Variants in FER1L6 observed in about 807,000 individuals in gnomAD.
FER1L6 encodes the protein fer-1-like protein 6.
FER1L6 carries 177 observed loss-of-function variants against 219.2 expected under a neutral mutation model. The observed-to-expected ratio is 0.81, with a 90% CI of 0.71 to 0.91. The LOEUF is 0.91. Ranked by LOEUF, FER1L6 falls within the 40% of genes least tolerant of loss-of-function variation. FER1L6 has a pLI of 0.00. For synonymous variants in FER1L6, 768 were observed against 824.3 expected, an observed-to-expected ratio of 0.93 and a Z score of 1.17; for missense variants, 2,153 against 2,259.9, an observed-to-expected ratio of 0.95 and a Z score of 0.96.
intron 1 of FER1L6, among the ~76,000 whole-genome samples, chr8:123,860,095 G>A (rs1816720301): frequency 7.5e-6 from 1 of 132,500 alleles, no homozygotes. Flanking sequence ...TCGTCATCTA[G>A]CATTAGGTAT....
chr8:123,900,247 A>T (rs897104180), intron 1 of FER1L6, among the ~76,000 whole-genome samples: 35 of 151,528 alleles, frequency 2.3e-4, no homozygotes, highest in African/African-American at 8.5e-4. Flanking sequence ...ATATATATAT[A>T]TTTGCAGCTA....
Position 124,021,557 on chromosome 8 carries a change from T to C in FER1L6, c.2021T>C (p.Met674Thr), listed in dbSNP as rs201866760. ...LTLCWQELEA[M>T]CKEAKGIIQQ... ...ACTCTTGTCTTGTTTTAGGAAGCAATGTGCAAGGAGGCCAAGGGGATCATT... is the reference window on the plus strand; with the variant it reads ...ACTCTTGTCTTGTTTTAGGAAGCAACGTGCAAGGAGGCCAAGGGGATCATT... The change falls in exon 17 of 41, where the codon ATG becomes ACG. Residue 674 changes from methionine (M) to threonine (T), a missense_variant. Physicochemically the swap from Met to Thr is moderately conservative, Grantham distance 81. Transcript: ENST00000522917. 31 of 1,613,958 alleles carry C rather than the reference T, an allele frequency of 1.9e-5. No individual in the cohort carries two copies. In the African/African-American group the frequency reaches 2.8e-4, roughly 15 times the overall value.
chr8:124,080,124 G>A (rs73330154), intron 32 of FER1L6, among the ~76,000 whole-genome samples: 5,265 of 152,164 alleles, frequency 0.035, 289 homozygotes, highest in African/African-American at 0.12. Flanking sequence ...ATGACCAAAT[G>A]AACAATGGAA....
At chr8:124,003,925 C>T (rs1482723379) in intron 13 of FER1L6, among the ~76,000 whole-genome samples, 2 of 152,058 alleles carry the variant, frequency 1.3e-5, no homozygotes, top group East Asian at 3.9e-4. Context: ...GTGATCATAT[C>T]TGAAGTACCC....
rs548358556 is a variant in FER1L6, at chr8:124,007,491, A to G, written c.1701-3103A>G. Among the ~76,000 whole-genome samples the G allele has an allele frequency of 2.0e-5, 3 of 152,304 alleles. No homozygotes were observed. The East Asian group carries it at 5.8e-4, about 29-fold the overall frequency. On this transcript the variant is annotated intron_variant, in intron 13 of 40. Transcript: ENST00000522917. ...CAGGGAACTTCTTCAACTTTTTGTTATATTTCTCCCCCTTTAGCTACCTCC... is the reference window on the plus strand; with the variant it reads ...CAGGGAACTTCTTCAACTTTTTGTTGTATTTCTCCCCCTTTAGCTACCTCC...
chr8:124,080,538 G>A lies in FER1L6; in HGVS notation c.4221-1750G>A, dbSNP rs574571252. 2.6e-5 allele frequency among the ~76,000 whole-genome samples: 4 copies of A among 152,152 alleles called. No individual in the cohort carries two copies. In the East Asian group the frequency reaches 7.7e-4, roughly 29 times the overall value. ...TCACCATGTTGGCCAGGCTTGTCTC[G>A]AACTCCTGGCCTCGAGTGATCCACC... On this transcript the variant is annotated intron_variant, in intron 32 of 40. Coordinates refer to ENST00000522917, the MANE Select transcript of FER1L6 (RefSeq NM_001039112.2).
At chr8:123,968,672 T>G (rs1298683082) in intron 5 of FER1L6, among the ~76,000 whole-genome samples, 1 of 152,232 alleles carries the variant, frequency 6.6e-6, no homozygotes, top group Non-Finnish European at 1.5e-5. Flanking sequence ...AGAAATTTCC[T>G]GAAATGTTGT....
chr8:123,974,680 A>AAAAAAAAAAAAAAAAAAAAAAAAAAAT, intron 7 of FER1L6, among the ~76,000 whole-genome samples: 2 of 148,490 alleles, frequency 1.3e-5, no homozygotes, highest in Non-Finnish European at 3.0e-5. Flanking sequence ...AAAAAAAAAA[A>AAAAAAAAAAAAAAAAAAAAAAAAAAAT]AAGAAATGTG....
Position 123,853,452 on chromosome 8 carries a change from G to A in FER1L6, c.-8+1267G>A, listed in dbSNP as rs1007040472. Among the ~76,000 whole-genome samples, 3 of 152,184 alleles carry A rather than the reference G, an allele frequency of 2.0e-5. No individual in the cohort carries two copies. Among genetic ancestry groups the A allele is most frequent in the Admixed American group, 2.0e-4 (3 of 15,282 alleles). On this transcript the variant is annotated intron_variant, in intron 1 of 40. Transcript: ENST00000522917. This position sits in a 1 kb window ranked among gnomAD's most constrained non-coding sequence, Gnocchi z 6.6. ...TTATAGGCGTGAGCCACCGTACCCG[G>A]CCTAAAATAGAAGAAATCATTTTTA...
intron 1 of FER1L6, among the ~76,000 whole-genome samples, chr8:123,922,223 C>T (rs1423694523): frequency 6.6e-6 from 1 of 152,198 alleles, no homozygotes; most frequent in Non-Finnish European, 1.5e-5. Context: ...CTCACATGAC[C>T]TCAGCTGCAG....
At chr8:123,875,730 A>G (rs968833097) in intron 1 of FER1L6, among the ~76,000 whole-genome samples, 1 of 152,162 alleles carries the variant, frequency 6.6e-6, no homozygotes, top group Non-Finnish European at 1.5e-5. Flanking sequence ...TTCCCATATT[A>G]ATAAATGACA....
In FER1L6 at chr8:123,854,773, G is replaced by T. The variant is rs185642116; in HGVS notation, c.-8+2588G>T. 1.7e-4 allele frequency among the ~76,000 whole-genome samples: 26 copies of T among 152,286 alleles called. No individual in the cohort carries two copies. The East Asian group carries it at 5.0e-3, about 29-fold the overall frequency. On this transcript the variant is annotated intron_variant, in intron 1 of 40. Transcript: ENST00000522917. ...GTGGGGACTGCCAGGCATGGTGGGG[G>T]ATAGCGGGAGACTGTGGGAGTGAAA...
At chr8:124,099,976 G>C (rs963858706) in intron 37 of FER1L6, among the ~76,000 whole-genome samples, 1 of 151,962 alleles carries the variant, frequency 6.6e-6, no homozygotes, top group Non-Finnish European at 1.5e-5. Context: ...ATGAAGCAAG[G>C]ACCATCTCTG....
At chr8:124,091,701 T>A in intron 34 of FER1L6, 118 bp downstream of exon 34, 7 of 1,088,172 alleles carry the variant, frequency 6.4e-6, no homozygotes, top group Non-Finnish European at 8.0e-6. Context: ...GCACAGTGGC[T>A]CACGTCTGTA....
rs1057470400 is a variant in FER1L6, at chr8:123,921,843, G to A, written c.-7-34149G>A. Among the ~76,000 whole-genome samples the A allele has an allele frequency of 2.0e-5, 3 of 152,198 alleles. No individual in the cohort carries two copies. The South Asian group carries it at 6.2e-4, about 32-fold the overall frequency. ...CAGGAAAGGGGTTAGTGTAGAGGCC[G>A]CCCTCGGGCTGAGAGACTTGAAAGG... is the stretch of plus-strand genomic sequence containing the variant. On this transcript the variant is annotated intron_variant, in intron 1 of 40. Coordinates refer to ENST00000522917, the MANE Select transcript of FER1L6 (RefSeq NM_001039112.2).
intron 31 of FER1L6, among the ~76,000 whole-genome samples, chr8:124,075,832 C>T (rs566582949): frequency 7.9e-5 from 12 of 152,298 alleles, no homozygotes; most frequent in African/African-American, 2.4e-4. Context: ...TTAAGCGGTG[C>T]GTGACTGTAG....
At position 123,865,060 on chromosome 8, in the gene FER1L6, T is replaced by C. The variant is rs1024130631; in HGVS notation, c.-8+12875T>C. ...CCTTTGGAGGAGGAGAGGTGCTCTG[T>C]GTTTTAGAGTTTCCAGTTTTTCTGT... is the stretch of plus-strand genomic sequence containing the variant. On this transcript the variant is annotated intron_variant, in intron 1 of 40. Coordinates refer to ENST00000522917, the MANE Select transcript of FER1L6 (RefSeq NM_001039112.2). Among the ~76,000 whole-genome samples the C allele has an allele frequency of 1.1e-4, 16 of 151,128 alleles. No individual in the cohort carries two copies. The East Asian group carries it at 2.9e-3, about 27-fold the overall frequency.
chr8:123,905,022 G>T (rs1812925771), intron 1 of FER1L6, among the ~76,000 whole-genome samples: 1 of 152,154 alleles, frequency 6.6e-6, no homozygotes, highest in South Asian at 2.1e-4. Flanking sequence ...TGAAGACATA[G>T]TTGGTCCAGC....
chr8:124,066,454 C>G lies in FER1L6; in HGVS notation c.3582C>G (p.Ser1194=). The change falls in exon 27 of 41, where the codon TCC becomes TCG. Residue 1194 remains serine, a synonymous_variant. Transcript: ENST00000522917. The part of the protein sequence containing the change: ...PKDPRKPSRR[S]TKRRKRTIAD... ...ATCCCAGGAAGCCTTCCCGGAGGTC[C>G]ACTAAGAGGAGAAAGAGGACCATAG... 2.5e-6 allele frequency: 4 copies of G among 1,613,982 alleles called. No individual in the cohort carries two copies. Among genetic ancestry groups the G allele is most frequent in the Non-Finnish European group, 3.4e-6 (4 of 1,179,922 alleles).
Sources: gnomAD v4.1 joint callset for allele counts (sites outside exome capture counted in the v4.1 genomes callset) on GRCh38, gnomAD v4.1.1 for gene constraint, Gnocchi (gnomAD v3.1) non-coding constraint, MANE v1.5 for transcripts, NCBI Gene and HGNC (gene_info 2026-07-23, HGNC 2026-07-21) for gene names.